TBC1D22A: variants seen among roughly 807,000 people sequenced by gnomAD.
TBC1D22A encodes the protein putative GTPase activator.
Under a neutral mutation model 60.2 loss-of-function variants are expected in TBC1D22A, and 38 were observed. The observed-to-expected ratio is 0.63, with a 90% CI of 0.49 to 0.83. The LOEUF is 0.83. Among genes scored for constraint, TBC1D22A ranks in the 40% least tolerant of loss-of-function variants. The pLI, the probability that TBC1D22A is intolerant of heterozygous loss-of-function variation, is 0.00. For synonymous variants in TBC1D22A, 302 were observed against 281.7 expected, an observed-to-expected ratio of 1.07 and a Z score of -0.72; for missense variants, 628 against 701.0, an observed-to-expected ratio of 0.90 and a Z score of 1.18.
At chr22:46,808,673 C>T (rs2085252893) in intron 4 of TBC1D22A, among the ~76,000 whole-genome samples, 2 of 152,104 alleles carry the variant, frequency 1.3e-5, no homozygotes, top group African/African-American at 4.8e-5. Context: ...TGGCTTACTG[C>T]AAGCTCCGCC....
chr22:46,805,881 C>G (rs1307276837), intron 4 of TBC1D22A, among the ~76,000 whole-genome samples: 1 of 144,654 alleles, frequency 6.9e-6, no homozygotes, highest in Non-Finnish European at 1.5e-5. Context: ...GAGATGGAGT[C>G]TTGCTCTTTC....
intron 11 of TBC1D22A, among the ~76,000 whole-genome samples, chr22:47,088,040 T>A (rs2064771013): frequency 6.6e-6 from 1 of 151,794 alleles, no homozygotes; most frequent in African/African-American, 2.4e-5. Context: ...GCCACTGCAC[T>A]CCAGCCTGGG....
intron 10 of TBC1D22A, among the ~76,000 whole-genome samples, chr22:47,020,389 G>A (rs1603030032): frequency 1.3e-5 from 2 of 152,296 alleles, no homozygotes; most frequent in Admixed American, 6.5e-5. Flanking sequence ...CTTCAACCTC[G>A]CTGTAGACTT....
chr22:47,061,516 G>A (rs111736684), intron 11 of TBC1D22A, among the ~76,000 whole-genome samples: 18 of 152,210 alleles, frequency 1.2e-4, no homozygotes, highest in African/African-American at 2.9e-4. Flanking sequence ...AGCTTCGAGC[G>A]CAGATCCAAG....
At chr22:47,085,663 A>G (rs2064652202) in intron 11 of TBC1D22A, among the ~76,000 whole-genome samples, 1 of 152,236 alleles carries the variant, frequency 6.6e-6, no homozygotes, top group Non-Finnish European at 1.5e-5. Flanking sequence ...TATATATGTC[A>G]GAAGTCGTCA....
chr22:47,117,590 C>T (rs1234809693), intron 12 of TBC1D22A, among the ~76,000 whole-genome samples: 1 of 151,838 alleles, frequency 6.6e-6, no homozygotes, highest in African/African-American at 2.4e-5. Context: ...AGAGTCACCC[C>T]ACACCTTGGC....
At chr22:46,952,665 T>A (rs918817393) in intron 8 of TBC1D22A, among the ~76,000 whole-genome samples, 4 of 152,062 alleles carry the variant, frequency 2.6e-5, no homozygotes, top group African/African-American at 9.7e-5. Flanking sequence ...TACCACAGAG[T>A]CCAGTGCTGG....
intron 12 of TBC1D22A, among the ~76,000 whole-genome samples, chr22:47,135,924 G>T (rs1430693710): frequency 1.3e-5 from 2 of 152,228 alleles, no homozygotes; most frequent in Non-Finnish European, 2.9e-5. Context: ...CCATGTGCCA[G>T]GACCACCCGG....
intron 5 of TBC1D22A, among the ~76,000 whole-genome samples, chr22:46,886,278 G>A (rs1176066583): frequency 6.6e-6 from 1 of 152,230 alleles, no homozygotes; most frequent in East Asian, 1.9e-4. Flanking sequence ...ACAGAGGCCA[G>A]GTGGGAATAA....
intron 12 of TBC1D22A, among the ~76,000 whole-genome samples, chr22:47,146,794 C>A (rs1416362438): frequency 6.6e-6 from 1 of 152,224 alleles, no homozygotes; most frequent in Non-Finnish European, 1.5e-5. Flanking sequence ...GCTGGGGGAT[C>A]TTCCCACAGA....
rs1470293133 is a variant in TBC1D22A at position 47,152,866 on chromosome 22, G to A, written c.1426-20632G>A. Among the ~76,000 whole-genome samples, 4 of 152,142 alleles carry A rather than the reference G, an allele frequency of 2.6e-5. No homozygotes were observed. In the East Asian group the frequency reaches 7.7e-4, roughly 29 times the overall value. On this transcript the variant is annotated intron_variant, in intron 12 of 12. Transcript: ENST00000337137. Reference sequence around the variant, plus strand: ...AGGATGCCAGGGTGGGTCACGGGAAGCTTGCTGGAAGGGAGACCCCCTGAG... The same window carrying A: ...AGGATGCCAGGGTGGGTCACGGGAAACTTGCTGGAAGGGAGACCCCCTGAG...
chr22:47,052,649 T>C (rs2063263623), intron 11 of TBC1D22A, among the ~76,000 whole-genome samples: 1 of 152,218 alleles, frequency 6.6e-6, no homozygotes, highest in African/African-American at 2.4e-5. Flanking sequence ...ACAGCCCTCC[T>C]GCTCTGAGGG....
At chr22:47,155,444 CAAAG>C (rs2067675214) in intron 12 of TBC1D22A, among the ~76,000 whole-genome samples, 1 of 152,112 alleles carries the variant, frequency 6.6e-6, no homozygotes, top group Non-Finnish European at 1.5e-5. Flanking sequence ...ACTGGATTGT[CAAAG>C]AAATCGGCTA....
chr22:47,066,792 C>T (rs1480598606), intron 11 of TBC1D22A, among the ~76,000 whole-genome samples: 1 of 152,170 alleles, frequency 6.6e-6, no homozygotes, highest in Non-Finnish European at 1.5e-5. Flanking sequence ...ATACCTGTAC[C>T]TCTGCTCTCC....
At chr22:47,087,042 A>C (rs1352122081) in intron 11 of TBC1D22A, among the ~76,000 whole-genome samples, 1 of 152,244 alleles carries the variant, frequency 6.6e-6, no homozygotes, top group East Asian at 1.9e-4. Context: ...CTCCGTCTGC[A>C]GCTAGTGAGC....
At chr22:47,102,078 C>T (rs1391763680) in intron 11 of TBC1D22A, among the ~76,000 whole-genome samples, 1 of 152,144 alleles carries the variant, frequency 6.6e-6, no homozygotes, top group African/African-American at 2.4e-5. Flanking sequence ...AAACCGTTTC[C>T]GTCCCCCAAC....
chr22:47,113,384 A>G (rs2065918147), intron 12 of TBC1D22A, among the ~76,000 whole-genome samples: 1 of 151,892 alleles, frequency 6.6e-6, no homozygotes. Context: ...CTGGGCAGAC[A>G]TTGCTGCCCT....
At chr22:46,803,632 G>A (rs567234197) in intron 4 of TBC1D22A, among the ~76,000 whole-genome samples, 1 of 152,230 alleles carries the variant, frequency 6.6e-6, no homozygotes, top group Non-Finnish European at 1.5e-5. Context: ...GCGTGTCTGT[G>A]TGTGTTCACC....
intron 1 of TBC1D22A, among the ~76,000 whole-genome samples, chr22:46,764,857 CAGAG>C (rs1278394924): frequency 2.6e-5 from 4 of 152,208 alleles, no homozygotes; most frequent in African/African-American, 9.6e-5. Context: ...AGAGACTTGA[CAGAG>C]AGCATGGCCC....
Sources: gnomAD v4.1 joint callset for allele counts (sites outside exome capture counted in the v4.1 genomes callset) on GRCh38, gnomAD v4.1.1 for gene constraint, MANE v1.5 for transcripts, NCBI Gene and HGNC (gene_info 2026-07-23, HGNC 2026-07-21) for gene names.